Variants in PARN observed in about 807,000 individuals in gnomAD.
The protein encoded by PARN is poly(A)-specific ribonuclease PARN.
PARN carries 71 observed loss-of-function variants against 102.8 expected under a neutral mutation model. The observed-to-expected ratio is 0.69, with a 90% CI of 0.57 to 0.84. The LOEUF is 0.84. Ranked by LOEUF, PARN falls within the 40% of genes least tolerant of loss-of-function variation. The pLI is 0.00. For synonymous variants in PARN, 261 were observed against 252.9 expected (o/e 1.03, Z -0.30); for missense variants, 782 against 760.9 (o/e 1.03, Z -0.33).
At chr16:14,546,945 T>C (rs1045324554) in intron 21 of PARN, among the ~76,000 whole-genome samples, 6 of 151,738 alleles carry the variant, frequency 4.0e-5, no homozygotes, top group African/African-American at 1.5e-4. Flanking sequence ...ATACAAAAAT[T>C]AGCCAGGTGT....
rs150363018 is a variant in PARN, at chr16:14,568,098, C to T, written c.1263-12389G>A. Among the ~76,000 whole-genome samples the T allele has an allele frequency of 8.2e-3, 1,254 of 152,230 alleles. 19 individuals carry two copies. Among genetic ancestry groups the T allele is most frequent in the African/African-American group, 0.028 (1,175 of 41,526 alleles). On this transcript the variant is annotated intron_variant, in intron 18 of 23. Coordinates refer to ENST00000437198, the MANE Select transcript of PARN (RefSeq NM_002582.4). The stretch of plus-strand genomic sequence containing the variant: ...TTTCTTTCATAAAATGAAGACCTAC[C>T]CAGCACTGTGGGAGGCCGAGACGGG...
chr16:14,605,863 A>G (rs1487312268), intron 10 of PARN, among the ~76,000 whole-genome samples: 1 of 152,216 alleles, frequency 6.6e-6, no homozygotes, highest in Non-Finnish European at 1.5e-5. Context: ...ATTTCTTCAC[A>G]TGTACCATTA....
At chr16:14,541,059 G>A (rs908676243) in intron 21 of PARN, among the ~76,000 whole-genome samples, 3 of 151,790 alleles carry the variant, frequency 2.0e-5, no homozygotes, top group African/African-American at 7.3e-5. Context: ...GGGAGGCTGC[G>A]GCAAGTGGAT....
intron 21 of PARN, among the ~76,000 whole-genome samples, chr16:14,550,015 A>G (rs571569947): frequency 2.0e-5 from 3 of 152,184 alleles, no homozygotes; most frequent in Non-Finnish European, 2.9e-5. Context: ...CACAGCTTCA[A>G]TGTCACCGAG....
chr16:14,570,447 C>T (rs1224892239), intron 18 of PARN, among the ~76,000 whole-genome samples: 5 of 150,096 alleles, frequency 3.3e-5, no homozygotes, highest in African/African-American at 7.4e-5. Context: ...GTCAAGAGTT[C>T]GAGACCAGCC....
chr16:14,463,972 T>A (rs1962166378), intron 22 of PARN, among the ~76,000 whole-genome samples: 2 of 152,070 alleles, frequency 1.3e-5, no homozygotes, highest in African/African-American at 4.8e-5. Flanking sequence ...TAACTGGGAC[T>A]ACTGGCATGT....
chr16:14,513,150 C>A (rs1965290042), intron 21 of PARN, among the ~76,000 whole-genome samples: 1 of 152,260 alleles, frequency 6.6e-6, no homozygotes, highest in African/African-American at 2.4e-5. Flanking sequence ...GTCTCCAACT[C>A]CTGACCTCAA....
At chr16:14,438,733 T>C (rs901418259) in intron 23 of PARN, among the ~76,000 whole-genome samples, 2 of 152,208 alleles carry the variant, frequency 1.3e-5, no homozygotes, top group Non-Finnish European at 2.9e-5. Context: ...ACATGGAACA[T>C]GGCTGTTCCC....
intron 21 of PARN, among the ~76,000 whole-genome samples, chr16:14,530,596 C>T (rs573627527): frequency 6.6e-6 from 1 of 151,988 alleles, no homozygotes; most frequent in African/African-American, 2.4e-5. Flanking sequence ...CTAACTTCTT[C>T]CATTTTATTA....
intron 5 of PARN, among the ~76,000 whole-genome samples, chr16:14,622,839 C>T (rs961990763): frequency 3.9e-5 from 6 of 152,088 alleles, no homozygotes; most frequent in African/African-American, 9.7e-5. Flanking sequence ...CGCAGTGGTA[C>T]GTGCTTGTAA....
Position 14,436,599 on chromosome 16 carries a change from G to C in PARN, c.*118C>G. On this transcript the variant is annotated 3_prime_UTR_variant, in exon 24 of 24. Coordinates refer to ENST00000437198, the MANE Select transcript of PARN (RefSeq NM_002582.4). ...TTTCTCCCCCCCAGGAGACAACTTG[G>C]TTTCCAACCCCTCCCATACCACATT... is the stretch of plus-strand genomic sequence containing the variant. 3 of 720,918 alleles carry C rather than the reference G, an allele frequency of 4.2e-6. No homozygotes were observed. The highest frequency in any genetic ancestry group is 7.1e-6 in the Non-Finnish European group (3 of 423,344). 44.7% of individuals were successfully genotyped at this position (720,918 alleles called of 1,614,324 possible).
intron 18 of PARN, among the ~76,000 whole-genome samples, chr16:14,569,859 T>C (rs1418859162): frequency 1.3e-5 from 2 of 152,156 alleles, no homozygotes; most frequent in Non-Finnish European, 2.9e-5. Flanking sequence ...GCTATGGTTG[T>C]ATAATATTGT....
chr16:14,457,930 G>GT (rs1961760318), intron 22 of PARN, among the ~76,000 whole-genome samples: 1 of 150,722 alleles, frequency 6.6e-6, no homozygotes, highest in African/African-American at 2.4e-5. Context: ...GTGTGTGTGT[G>GT]GGTGTGTGTG....
chr16:14,545,872 A>G (rs1394552009), intron 21 of PARN, among the ~76,000 whole-genome samples: 4 of 152,236 alleles, frequency 2.6e-5, no homozygotes, highest in Non-Finnish European at 1.5e-5. Flanking sequence ...AAGAATTTAG[A>G]AAAAAGAAGA....
chr16:14,501,274 A>C lies in PARN; in HGVS notation c.1481-18447T>G, dbSNP rs1964571814. ...TAAAACCCCATCTTTACAAAAAAAA[A>C]CAAAAAACAAACAAAAAAACAATAA... is the stretch of plus-strand genomic sequence containing the variant. On this transcript the variant is annotated intron_variant, in intron 21 of 23. Coordinates refer to ENST00000437198, the MANE Select transcript of PARN (RefSeq NM_002582.4). Among the ~76,000 whole-genome samples, 4 of 142,370 alleles carry C rather than the reference A, an allele frequency of 2.8e-5. No individual in the cohort carries two copies. The South Asian group carries it at 6.8e-4, about 24-fold the overall frequency. 93.4% of individuals were successfully genotyped at this position (142,370 alleles called of 152,430 possible). A position where few individuals can be genotyped will look rare whatever the true frequency, so the allele number is the denominator to read the frequency against.
At chr16:14,525,394 C>T (rs1965943999) in intron 21 of PARN, among the ~76,000 whole-genome samples, 1 of 152,198 alleles carries the variant, frequency 6.6e-6, no homozygotes, top group Non-Finnish European at 1.5e-5. Flanking sequence ...ACAGAAGGGA[C>T]AACCCTTCTA....
At chr16:14,619,984 G>C (rs1399360027) in intron 5 of PARN, among the ~76,000 whole-genome samples, 1 of 150,592 alleles carries the variant, frequency 6.6e-6, no homozygotes, top group Non-Finnish European at 1.5e-5. Context: ...GCAGGAGAAT[G>C]GTGTGAACCC....
At chr16:14,600,937 AAAAC>A (rs201942729) in intron 11 of PARN, among the ~76,000 whole-genome samples, 2,700 of 152,192 alleles carry the variant, frequency 0.018, 69 homozygotes, top group African/African-American at 0.059. Context: ...TCCATCTCAA[AAAAC>A]AAACAAACAA....
intron 13 of PARN, among the ~76,000 whole-genome samples, chr16:14,590,492 G>C (rs1021287589): frequency 4.0e-5 from 6 of 151,534 alleles, no homozygotes; most frequent in African/African-American, 1.5e-4. Flanking sequence ...AAAATTACCC[G>C]GGCATGGTAG....
Sources: allele counts gnomAD v4.1 joint callset (sites outside exome capture counted in the v4.1 genomes callset), GRCh38; gene constraint gnomAD v4.1.1; transcripts MANE v1.5; gene names NCBI Gene and HGNC (gene_info 2026-07-23, HGNC 2026-07-21).